CHRM1: variants seen among roughly 807,000 people sequenced by gnomAD.
CHRM1 encodes the protein muscarinic acetylcholine receptor M1.
CHRM1 carries 5 observed loss-of-function variants against 31.6 expected under a neutral mutation model. That is an observed-to-expected ratio of 0.16 (90% CI 0.08 to 0.33). CHRM1 has a LOEUF of 0.33. Among genes scored for constraint, CHRM1 ranks in the 10% least tolerant of loss-of-function variants. CHRM1 has a pLI of 1.00. For missense variants in CHRM1, 338 were observed against 610.3 expected (o/e 0.55, Z 4.70); for synonymous variants, 227 against 249.7 (o/e 0.91, Z 0.86).
Position 62,911,182 on chromosome 11 carries a change from A to G in CHRM1, c.-78-4T>C. ...TTCCTCAGGGGAAAGTCATCACCTG[A>G]AAAGAGAGGACATGGGCTTTGGTTG... On this transcript the variant is annotated splice_polypyrimidine_tract_variant and splice_region_variant and intron_variant, in intron 1 of 1. Coordinates refer to ENST00000306960, the MANE Select transcript of CHRM1 (RefSeq NM_000738.3). 7.4e-7 allele frequency: 1 copy of G among 1,348,544 alleles called. No homozygotes were observed. Among genetic ancestry groups the G allele is most frequent in the Non-Finnish European group, 1.0e-6 (1 of 977,974 alleles). The allele number at this position is 1,348,544 out of a possible 1,614,324, so 83.5% of individuals were successfully genotyped here.
intron 1 of CHRM1, among the ~76,000 whole-genome samples, chr11:62,914,261 A>T (rs2085888793): frequency 6.6e-6 from 1 of 152,026 alleles, no homozygotes; most frequent in Non-Finnish European, 1.5e-5. Flanking sequence ...TCCATTTTAT[A>T]GATAAGGAAG....
At chr11:62,921,007 A>T (rs915009968) in intron 1 of CHRM1, among the ~76,000 whole-genome samples, 1 of 151,870 alleles carries the variant, frequency 6.6e-6, no homozygotes, top group African/African-American at 2.4e-5. Flanking sequence ...AGCTATATCC[A>T]CTCAAAGCCA....
intron 1 of CHRM1, among the ~76,000 whole-genome samples, chr11:62,919,563 C>T (rs1463907716): frequency 1.3e-5 from 2 of 152,158 alleles, no homozygotes; most frequent in African/African-American, 2.4e-5. Context: ...GCCCCCTGCT[C>T]CTGGCTCCTT....
intron 1 of CHRM1, chr11:62,917,869 A>G (rs1374783114): frequency 6.6e-6 from 1 of 152,124 alleles, no homozygotes; most frequent in Non-Finnish European, 1.5e-5. Flanking sequence ...TAAGCATTAT[A>G]TACATAAACA....
At position 62,908,680 on chromosome 11, in the gene CHRM1, G is replaced by T. The variant is rs1448653550; in HGVS notation, c.*1038C>A. 4 of 152,792 alleles carry T rather than the reference G, an allele frequency of 2.6e-5. No individual in the cohort carries two copies. The highest frequency in any genetic ancestry group is 2.6e-4 in the Admixed American group (4 of 15,292). The allele number at this position is 152,792 out of a possible 1,614,324, so 9.5% of individuals were successfully genotyped here. A position where few individuals can be genotyped will look rare whatever the true frequency, so the allele number is the denominator to read the frequency against. On this transcript the variant is annotated 3_prime_UTR_variant, in exon 2 of 2. Coordinates refer to ENST00000306960, the MANE Select transcript of CHRM1 (RefSeq NM_000738.3). The stretch of plus-strand genomic sequence containing the variant: ...AACACAGTTAGGAAGGCCCCTTAGT[G>T]CCCGCTGGTTATGTGGCTTTATTCA...
chr11:62,916,444 C>T (rs2085900852), intron 1 of CHRM1, among the ~76,000 whole-genome samples: 1 of 152,214 alleles, frequency 6.6e-6, no homozygotes, highest in Non-Finnish European at 1.5e-5. Flanking sequence ...AAAATGCTTT[C>T]AGAACAGGGG....
At chr11:62,919,603 TCTCC>T (rs1178884698) in intron 1 of CHRM1, among the ~76,000 whole-genome samples, 2 of 151,818 alleles carry the variant, frequency 1.3e-5, no homozygotes, top group Non-Finnish European at 2.9e-5. Flanking sequence ...CTTTCTTCTC[TCTCC>T]CTCCCTCCTC....
intron 1 of CHRM1, 96 bp downstream of exon 1, chr11:62,921,122 C>T: frequency 6.5e-6 from 1 of 152,878 alleles, no homozygotes. Context: ...ATCCCTATTT[C>T]CATCTCATCC....
At chr11:62,915,447 G>A (rs2085895531) in intron 1 of CHRM1, among the ~76,000 whole-genome samples, 1 of 152,180 alleles carries the variant, frequency 6.6e-6, no homozygotes, top group Non-Finnish European at 1.5e-5. Flanking sequence ...TCCTGACCCT[G>A]GTTCCAATAA....
intron 1 of CHRM1, among the ~76,000 whole-genome samples, chr11:62,911,563 C>G (rs1353693368): frequency 6.6e-6 from 1 of 152,182 alleles, no homozygotes; most frequent in African/African-American, 2.4e-5. Context: ...TATTAAAGCC[C>G]TCACTTACTG....
Position 62,910,378 on chromosome 11 carries a change from T to C in CHRM1, c.723A>G (p.Ser241=), listed in dbSNP as rs780509346. 6.2e-6 allele frequency: 10 copies of C among 1,610,358 alleles called. No homozygotes were observed. The Admixed American group carries it at 1.5e-4, about 24-fold the overall frequency. Reference sequence around the variant, plus strand: ...CCTCAGCCCCTGGCTGAGACCTCTCTGAGCTGCTGCTGCTGCCACCCCCTT... The same window carrying C: ...CCTCAGCCCCTGGCTGAGACCTCTCCGAGCTGCTGCTGCTGCCACCCCCTT... ...PGKGGGSSSS[S]ERSQPGAEGS... Residue 241 remains serine, a synonymous_variant, in exon 2 of 2, where the codon TCA becomes TCG. Transcript: ENST00000306960. This position sits in a 1 kb window ranked among gnomAD's most constrained non-coding sequence, Gnocchi z 8.7.
Position 62,911,120 on chromosome 11 carries a change from G to T in CHRM1, c.-20C>A. 6.2e-7 allele frequency: 1 copy of T among 1,607,698 alleles called. No homozygotes were observed. The highest frequency in any genetic ancestry group is 1.8e-4 in the Middle Eastern group (1 of 5,636). On this transcript the variant is annotated 5_prime_UTR_variant, in exon 2 of 2. Coordinates refer to ENST00000306960, the MANE Select transcript of CHRM1 (RefSeq NM_000738.3). The stretch of plus-strand genomic sequence containing the variant: ...GTTCATGGTGGCTAGGTGGGGCTGG[G>T]GTTGGAGAGCCCCTTCCTCCAGGCA...
intron 1 of CHRM1, among the ~76,000 whole-genome samples, chr11:62,913,820 G>T (rs2085885750): frequency 6.6e-6 from 1 of 152,032 alleles, no homozygotes; most frequent in Admixed American, 6.5e-5. Context: ...CTTAACAGGA[G>T]CCTAGGATCA....
At position 62,914,145 on chromosome 11, in the gene CHRM1, A is replaced by C. The variant is rs565343026; in HGVS notation, c.-78-2967T>G. ...ATTTTTAGTAGAGACGGGGTTTCAC[A>C]GTGTTAGCCAGGATGGTCTTGATCT... On this transcript the variant is annotated intron_variant, in intron 1 of 1. Transcript: ENST00000306960. 3.9e-5 allele frequency among the ~76,000 whole-genome samples: 6 copies of C among 152,022 alleles called. No homozygotes were observed. The South Asian group carries it at 1.2e-3, about 32-fold the overall frequency.
chr11:62,910,606 C>T lies in CHRM1; in HGVS notation c.495G>A (p.Gln165=), dbSNP rs200340019. 322 of 1,614,220 alleles carry T rather than the reference C, an allele frequency of 2.0e-4. 3 individuals are homozygous for T. In the East Asian group the frequency reaches 7.1e-3, roughly 36 times the overall value. ...VLWAPAILFW[Q]YLVGERTVLA... ...GCACTGTCCGCTCCCCTACCAGGTA[C>T]TGCCAGAAGAGGATGGCTGGGGCCC... Residue 165 remains glutamine (Q), a synonymous_variant, in exon 2 of 2, where the codon CAG becomes CAA. Coordinates refer to ENST00000306960, the MANE Select transcript of CHRM1 (RefSeq NM_000738.3). The surrounding 1 kb of genome is among the most constrained non-coding windows in gnomAD (Gnocchi z 8.7).
In CHRM1 at chr11:62,910,627, G is replaced by C. The variant is rs201681850; in HGVS notation, c.474C>G (p.Ala158=). The change falls in exon 2 of 2, where the codon GCC becomes GCG. Residue 158 remains alanine, a synonymous_variant. Transcript: ENST00000306960. The surrounding 1 kb of genome is among the most constrained non-coding windows in gnomAD (Gnocchi z 8.7). ...LAWLVSFVLW[A]PAILFWQYLV... ...GGTACTGCCAGAAGAGGATGGCTGGGGCCCAGAGCACAAAGGAAACCAGCC... is the reference window on the plus strand; with the variant it reads ...GGTACTGCCAGAAGAGGATGGCTGGCGCCCAGAGCACAAAGGAAACCAGCC... The C allele has an allele frequency of 1.2e-6, 2 of 1,614,204 alleles. No homozygotes were observed.
At chr11:62,919,716 C>T (rs890642528) in intron 1 of CHRM1, among the ~76,000 whole-genome samples, 2 of 152,200 alleles carry the variant, frequency 1.3e-5, no homozygotes, top group Admixed American at 6.5e-5. Context: ...TTCTGCGTCT[C>T]AGAGCTTACT....
chr11:62,918,693 A>C (rs548531295), intron 1 of CHRM1, among the ~76,000 whole-genome samples: 1 of 152,188 alleles, frequency 6.6e-6, no homozygotes, highest in Non-Finnish European at 1.5e-5. Context: ...CAAAGGGTTA[A>C]GGGATGAGGT....
In CHRM1 at chr11:62,911,103, T is replaced by C. The variant is rs1421787084; in HGVS notation, c.-3A>G. 1 of 1,612,302 alleles carries C rather than the reference T, an allele frequency of 6.2e-7. No individual in the cohort carries two copies. The highest frequency in any genetic ancestry group is 8.5e-7 in the Non-Finnish European group (1 of 1,178,956). On this transcript the variant is annotated 5_prime_UTR_variant, in exon 2 of 2. Transcript: ENST00000306960. ...GCAGGTGGGGCTGAAGTGTTCATGGTGGCTAGGTGGGGCTGGGGTTGGAGA... is the reference window on the plus strand; with the variant it reads ...GCAGGTGGGGCTGAAGTGTTCATGGCGGCTAGGTGGGGCTGGGGTTGGAGA...
Sources: gnomAD v4.1 joint callset for allele counts (sites outside exome capture counted in the v4.1 genomes callset) on GRCh38, gnomAD v4.1.1 for gene constraint, Gnocchi (gnomAD v3.1) non-coding constraint, MANE v1.5 for transcripts, NCBI Gene and HGNC (gene_info 2026-07-23, HGNC 2026-07-21) for gene names.